Variants in COL5A1 observed in about 807,000 individuals in gnomAD.
COL5A1 encodes the protein collagen alpha-1(V) chain.
A neutral mutation model predicts 263.7 loss-of-function variants in COL5A1; 16 were observed. That is an observed-to-expected ratio of 0.06 (90% CI 0.04 to 0.09). COL5A1 has a LOEUF of 0.09. Among genes scored for constraint, COL5A1 ranks in the 10% least tolerant of loss-of-function variants. The probability of loss-of-function intolerance (pLI) is 1.00; values close to 1 mark genes in which losing one functional copy is unlikely to be tolerated. For synonymous variants in COL5A1, 1,012 were observed against 1,004.5 expected (o/e 1.01, Z -0.14); for missense variants, 2,036 against 2,540.5 (o/e 0.80, Z 4.27).
chr9:134,744,836 C>T (rs909723635), intron 11 of COL5A1, among the ~76,000 whole-genome samples: 7 of 152,106 alleles, frequency 4.6e-5, no homozygotes, highest in Non-Finnish European at 8.8e-5. Context: ...TGCATGCACA[C>T]TCATCCATAC....
chr9:134,838,901 A>C (rs1839929583), intron 65 of COL5A1, among the ~76,000 whole-genome samples: 1 of 152,202 alleles, frequency 6.6e-6, no homozygotes, highest in South Asian at 2.1e-4. Flanking sequence ...CGGGGCGGCC[A>C]TGGGGGTGGC....
At chr9:134,830,173 C>A in intron 64 of COL5A1, 129 bp downstream of exon 64, 1 of 1,609,554 alleles carries the variant, frequency 6.2e-7, no homozygotes, top group Non-Finnish European at 8.5e-7. Context: ...AGCGGGGGTC[C>A]CTGGTAAGTG....
chr9:134,685,443 G>T (rs117330509), intron 1 of COL5A1, among the ~76,000 whole-genome samples: 1 of 758 alleles, frequency 1.3e-3, no homozygotes, highest in African/African-American at 6.9e-3. Flanking sequence ...TCCATCCATT[G>T]TCCATCATCC....
intron 60 of COL5A1, 82 bp downstream of exon 60, chr9:134,823,115 C>T: frequency 6.8e-7 from 1 of 1,481,460 alleles, no homozygotes; most frequent in Non-Finnish European, 9.4e-7. Flanking sequence ...AACAAACTAC[C>T]CAGACAACCG....
At chr9:134,820,072 CGTGG>C in intron 57 of COL5A1, 40 bp from the exon 58 acceptor site, 1 of 1,465,304 alleles carries the variant, frequency 6.8e-7, no homozygotes. Context: ...GAGCATGAGG[CGTGG>C]CTCCCTCAAA....
At chr9:134,781,950 C>A (rs1329943002) in intron 28 of COL5A1, among the ~76,000 whole-genome samples, 1 of 152,166 alleles carries the variant, frequency 6.6e-6, no homozygotes, top group Non-Finnish European at 1.5e-5. Context: ...AGATGTAGCC[C>A]CTGAATAATG....
At chr9:134,719,625 A>G (rs1834383986) in intron 4 of COL5A1, among the ~76,000 whole-genome samples, 2 of 151,884 alleles carry the variant, frequency 1.3e-5, no homozygotes, top group Non-Finnish European at 2.9e-5. Flanking sequence ...CACTTCACAC[A>G]CTCATCTCAT....
Position 134,821,183 on chromosome 9 carries a change from G to A in COL5A1, c.4555-914G>A, listed in dbSNP as rs765738862. ...CAGGGTGTGGTGGCCCGGCAACCAC[G>A]AGAATTAGAGAGGCATCCAGGGTCC... On this transcript the variant is annotated intron_variant, in intron 58 of 65. Coordinates refer to ENST00000371817, the MANE Select transcript of COL5A1 (RefSeq NM_000093.5). This position sits in a 1 kb window ranked among gnomAD's most constrained non-coding sequence, Gnocchi z 4.2. 3.3e-5 allele frequency among the ~76,000 whole-genome samples: 5 copies of A among 152,106 alleles called. No homozygotes were observed. The highest frequency in any genetic ancestry group is 5.9e-5 in the Non-Finnish European group (4 of 68,012).
At chr9:134,807,704 C>T (rs979592818) in intron 42 of COL5A1, among the ~76,000 whole-genome samples, 4 of 152,176 alleles carry the variant, frequency 2.6e-5, no homozygotes, top group African/African-American at 9.7e-5. Context: ...AACATCTGGG[C>T]CATTGAGAAT....
In COL5A1 at chr9:134,788,263, G is replaced by A. The variant is rs558411695; in HGVS notation, c.2647-892G>A. On this transcript the variant is annotated intron_variant, in intron 31 of 65. Transcript: ENST00000371817. The stretch of plus-strand genomic sequence containing the variant: ...ATAGACATAGGTGGGCTGCTTGGCA[G>A]AGAGGTGGATGAATGGATGGGTGGG... 1.3e-4 allele frequency among the ~76,000 whole-genome samples: 19 copies of A among 150,966 alleles called. No individual in the cohort carries two copies. The South Asian group carries it at 2.5e-3, about 20-fold the overall frequency.
chr9:134,833,966 C>G (rs1222022704), intron 64 of COL5A1, among the ~76,000 whole-genome samples: 1 of 152,142 alleles, frequency 6.6e-6, no homozygotes, highest in African/African-American at 2.4e-5. Flanking sequence ...AGGAGCCTTC[C>G]CTAGGAGCAG....
chr9:134,761,863 C>T, intron 18 of COL5A1, 62 bp from the exon 19 acceptor site: 2 of 1,518,286 alleles, frequency 1.3e-6, no homozygotes, highest in Non-Finnish European at 1.8e-6. Flanking sequence ...CAAAGTGGGA[C>T]CTTGGACAAG....
At chr9:134,772,219 C>G (rs1433820675) in intron 25 of COL5A1, among the ~76,000 whole-genome samples, 1 of 152,208 alleles carries the variant, frequency 6.6e-6, no homozygotes, top group African/African-American at 2.4e-5. Flanking sequence ...CGCCTTAGCC[C>G]TCCACCCCGC....
chr9:134,747,559 A>G (rs1835564504), intron 11 of COL5A1, among the ~76,000 whole-genome samples: 1 of 152,098 alleles, frequency 6.6e-6, no homozygotes, highest in East Asian at 1.9e-4. Flanking sequence ...ATATGCATGC[A>G]TACATGTATT....
rs1838466727 is a variant in COL5A1, at chr9:134,810,247, T to C, written c.3475-8T>C. 1 of 1,613,820 alleles carries C rather than the reference T, an allele frequency of 6.2e-7. No individual in the cohort carries two copies. The highest frequency in any genetic ancestry group is 1.7e-5 in the Admixed American group (1 of 59,996). On this transcript the variant is annotated splice_region_variant and splice_polypyrimidine_tract_variant and intron_variant, in intron 43 of 65. Coordinates refer to ENST00000371817, the MANE Select transcript of COL5A1 (RefSeq NM_000093.5). ...CTTTCTAACCGAATCCCCCACACCT[T>C]CCCCTAGGGAGAGATCGGGGAGCCG...
chr9:134,823,159 C>T (rs1839092750), intron 60 of COL5A1, 126 bp downstream of exon 60: 1 of 1,202,528 alleles, frequency 8.3e-7, no homozygotes, highest in Non-Finnish European at 1.2e-6. Flanking sequence ...ACGATCCTCC[C>T]ATCTTTCTAC....
At chr9:134,731,924 G>A (rs754169660) in intron 8 of COL5A1, 147 bp from the exon 9 acceptor site, 64 of 993,734 alleles carry the variant, frequency 6.4e-5, no homozygotes, top group Non-Finnish European at 9.2e-5. Context: ...CCTCTGTCAC[G>A]CTCCTGCCAT....
rs778632032 is a variant in COL5A1 at position 134,789,951 on chromosome 9, G to A, written c.2700+743G>A. ...GGGGCATATGGCGGGGACAGAGAAA[G>A]GCCAGTCTGTGGTGTACATGCAGGA... On this transcript the variant is annotated intron_variant, in intron 32 of 65. Coordinates refer to ENST00000371817, the MANE Select transcript of COL5A1 (RefSeq NM_000093.5). The surrounding 1 kb of genome is among the most constrained non-coding windows in gnomAD (Gnocchi z 4.8). 1.3e-5 allele frequency among the ~76,000 whole-genome samples: 2 copies of A among 152,238 alleles called. No individual in the cohort carries two copies. The highest frequency in any genetic ancestry group is 4.1e-4 in the South Asian group (2 of 4,834).
At chr9:134,768,549 T>G in intron 25 of COL5A1, 86 bp downstream of exon 25, 1 of 1,397,632 alleles carries the variant, frequency 7.2e-7, no homozygotes, top group East Asian at 2.3e-5. Flanking sequence ...TCTTTGGGGT[T>G]GTTGTTGGAC....
Sources: gnomAD v4.1 joint callset for allele counts (sites outside exome capture counted in the v4.1 genomes callset) on GRCh38, gnomAD v4.1.1 for gene constraint, Gnocchi (gnomAD v3.1) non-coding constraint, MANE v1.5 for transcripts, NCBI Gene and HGNC (gene_info 2026-07-23, HGNC 2026-07-21) for gene names.